CDK5RAP2: variants seen among roughly 807,000 people sequenced by gnomAD.
The protein encoded by CDK5RAP2 is CDK5 regulatory subunit associated protein 2, also known as CDK5 regulatory subunit-associated protein 2.
Under a neutral mutation model 232.9 loss-of-function variants are expected in CDK5RAP2, and 147 were observed. The observed-to-expected ratio is 0.63, with a 90% CI of 0.55 to 0.72. The LOEUF (loss-of-function observed/expected upper bound fraction) is 0.72. Among genes scored for constraint, CDK5RAP2 ranks in the 30% least tolerant of loss-of-function variants. CDK5RAP2 has a pLI of 0.00. For synonymous variants in CDK5RAP2, 833 were observed against 833.7 expected (o/e 1.00, Z 0.01); for missense variants, 2,195 against 2,231.5 (o/e 0.98, Z 0.33).
chr9:120,418,063 A>G (rs1240233336), intron 27 of CDK5RAP2, among the ~76,000 whole-genome samples: 1 of 152,224 alleles, frequency 6.6e-6, no homozygotes, highest in Non-Finnish European at 1.5e-5. Flanking sequence ...GTTAAGTGAG[A>G]AAAATACTAA....
At chr9:120,407,849 C>A (rs2033580765) in intron 31 of CDK5RAP2, 1 of 233,362 alleles carries the variant, frequency 4.3e-6, no homozygotes, top group Non-Finnish European at 8.6e-6. Flanking sequence ...CAGAGCAATG[C>A]CCAGCACGTG....
At chr9:120,444,636 G>C (rs1424587549) in intron 22 of CDK5RAP2, among the ~76,000 whole-genome samples, 1 of 152,130 alleles carries the variant, frequency 6.6e-6, no homozygotes, top group Non-Finnish European at 1.5e-5. Context: ...CCTCAACTAT[G>C]GTAAACCCAA....
rs770602220 is a variant in CDK5RAP2, at chr9:120,437,380, C to A, written c.3870G>T (p.Val1290=). 2 of 1,614,106 alleles carry A rather than the reference C, an allele frequency of 1.2e-6. No individual in the cohort carries two copies. The highest frequency in any genetic ancestry group is 1.7e-6 in the Non-Finnish European group (2 of 1,179,996). Residue 1290 remains valine, a synonymous_variant, in exon 25 of 38, where the codon GTG becomes GTT. Coordinates refer to ENST00000349780, the MANE Select transcript of CDK5RAP2 (RefSeq NM_018249.6). The stretch of plus-strand genomic sequence containing the variant: ...GGAAACCCTCGGCCACACAGTAATC[C>A]ACATCACTGGCCTGCAGCAACTCCT... ...AFEELLQASD[V]DYCVAEGFQE... is the part of the protein sequence containing the mutation.
At position 120,408,439 on chromosome 9, in the gene CDK5RAP2, T is replaced by C. The variant is rs2033627576; in HGVS notation, c.4634A>G (p.Gln1545Arg). The C allele has an allele frequency of 6.2e-7, 1 of 1,614,138 alleles. No homozygotes were observed. Among genetic ancestry groups the C allele is most frequent in the South Asian group, 1.1e-5 (1 of 91,084 alleles). ...RVQEEVKLRQ[Q>R]LLSQNDKLLQ... ...TAGCTTGTCATTCTGTGAGAGCAGC[T>C]GCTGCCTCAACTTCACCTCCTCCTG... is the stretch of plus-strand genomic sequence containing the variant. Residue 1545 changes from glutamine (Q) to arginine (R), a missense_variant, in exon 31 of 38, where the codon CAG (glutamine) becomes CGG (arginine). Physicochemically the swap from Gln to Arg is conservative, Grantham distance 43 (BLOSUM62 1). Coordinates refer to ENST00000349780, the MANE Select transcript of CDK5RAP2 (RefSeq NM_018249.6).
chr9:120,454,186 C>G (rs1336095995), intron 20 of CDK5RAP2, among the ~76,000 whole-genome samples: 2 of 152,170 alleles, frequency 1.3e-5, no homozygotes, highest in Non-Finnish European at 2.9e-5. Context: ...TAGAAACAAA[C>G]GGGATTATAA....
At chr9:120,411,598 CTA>C in intron 28 of CDK5RAP2, 124 bp from the exon 29 acceptor site, 1 of 676,538 alleles carries the variant, frequency 1.5e-6, no homozygotes, top group Middle Eastern at 3.9e-4. Context: ...CTCCTGTTAA[CTA>C]TGTTAGGAAT....
At chr9:120,497,418 AT>A (rs2039343422) in intron 12 of CDK5RAP2, among the ~76,000 whole-genome samples, 16 of 104,884 alleles carry the variant, frequency 1.5e-4, no homozygotes, top group South Asian at 7.6e-4. Context: ...AAAAAAATAA[AT>A]TTAAAAAAAA....
chr9:120,541,198 T>A (rs2041617599), intron 5 of CDK5RAP2, among the ~76,000 whole-genome samples: 1 of 152,176 alleles, frequency 6.6e-6, no homozygotes, highest in Non-Finnish European at 1.5e-5. Context: ...AAATGGCTCA[T>A]CTCTGCTACC....
chr9:120,559,337 AT>A (rs1317830806), intron 3 of CDK5RAP2, among the ~76,000 whole-genome samples: 1 of 151,970 alleles, frequency 6.6e-6, no homozygotes, highest in African/African-American at 2.4e-5. Flanking sequence ...AATACAAAAA[AT>A]CAGCCAAGCA....
chr9:120,437,295 C>T lies in CDK5RAP2; in HGVS notation c.3955G>A (p.Gly1319Arg), dbSNP rs776185004. The T allele has an allele frequency of 1.9e-6, 3 of 1,607,406 alleles. No individual in the cohort carries two copies. The highest frequency in any genetic ancestry group is 1.3e-5 in the African/African-American group (1 of 74,816). ...GACTCGCGTACCTCACCCTACCTACCGTTGAGAAATAGCTTTTCCAATTTC... is the reference window on the plus strand; with the variant it reads ...GACTCGCGTACCTCACCCTACCTACTGTTGAGAAATAGCTTTTCCAATTTC... ...LEKLEKLFLN[G>R]KSVGVEMNTQ... Residue 1319 changes from glycine to arginine, a missense_variant and splice_region_variant, in exon 25 of 38, where the codon GGA becomes AGA. Transcript: ENST00000349780.
intron 35 of CDK5RAP2, among the ~76,000 whole-genome samples, chr9:120,400,303 T>C (rs1411227199): frequency 1.3e-5 from 2 of 152,122 alleles, no homozygotes; most frequent in African/African-American, 2.4e-5. Context: ...AAGCTGTCGA[T>C]AGGAATCAGA....
chr9:120,573,213 G>A (rs938418346), intron 1 of CDK5RAP2, among the ~76,000 whole-genome samples: 1 of 152,078 alleles, frequency 6.6e-6, no homozygotes, highest in African/African-American at 2.4e-5. Context: ...GCAAAAAATT[G>A]GAAATATCAT....
chr9:120,540,340 T>A (rs1005849549), intron 5 of CDK5RAP2, among the ~76,000 whole-genome samples: 3 of 152,156 alleles, frequency 2.0e-5, no homozygotes, highest in Admixed American at 2.0e-4. Context: ...AGAACAAATC[T>A]ATTCACCACC....
intron 12 of CDK5RAP2, among the ~76,000 whole-genome samples, chr9:120,509,004 G>GC (rs34635278): frequency 1.3e-5 from 2 of 152,276 alleles, no homozygotes; most frequent in African/African-American, 4.8e-5. Flanking sequence ...CCCTGTTTGT[G>GC]CCCCATGGAG....
At chr9:120,516,407 C>G (rs572804297) in intron 12 of CDK5RAP2, among the ~76,000 whole-genome samples, 1 of 151,376 alleles carries the variant, frequency 6.6e-6, no homozygotes, top group African/African-American at 2.4e-5. Flanking sequence ...AGGAGATATA[C>G]CTAATGCTAA....
At chr9:120,563,656 A>G (rs1440399336) in intron 3 of CDK5RAP2, among the ~76,000 whole-genome samples, 1 of 152,218 alleles carries the variant, frequency 6.6e-6, no homozygotes, top group Non-Finnish European at 1.5e-5. Context: ...AGTAAGTGGC[A>G]GGGCCAAGCC....
At chr9:120,577,662 C>T (rs1022756067) in intron 1 of CDK5RAP2, among the ~76,000 whole-genome samples, 7 of 152,168 alleles carry the variant, frequency 4.6e-5, no homozygotes, top group Non-Finnish European at 1.0e-4. Flanking sequence ...CTGGGTCAGA[C>T]ACTGAGCTAA....
intron 32 of CDK5RAP2, among the ~76,000 whole-genome samples, chr9:120,404,535 G>A (rs2033302309): frequency 6.6e-6 from 1 of 152,156 alleles, no homozygotes; most frequent in African/African-American, 2.4e-5. Context: ...AGCACAATGG[G>A]CAGGTGAGAG....
Position 120,439,835 on chromosome 9 carries a change from C to T in CDK5RAP2, c.3286G>A (p.Gly1096Arg). 6.2e-7 allele frequency: 1 copy of T among 1,614,096 alleles called. No individual in the cohort carries two copies. Among genetic ancestry groups the T allele is most frequent in the Non-Finnish European group, 8.5e-7 (1 of 1,179,994 alleles). Residue 1096 changes from glycine (G) to arginine (R), a missense_variant, in exon 24 of 38, where the codon GGG becomes AGG. Gly to Arg is a moderately radical substitution (Grantham distance 125, BLOSUM62 -2). Transcript: ENST00000349780. ...TTAATGCTCTCTGACTGATCAGTCC[C>T]CATCACACTGACTTTAGCAGAAGGC... Reference protein sequence around the residue: ...SQPSAKVSVMGTDQSESINTS... With the variant: ...SQPSAKVSVMRTDQSESINTS...
Sources: allele counts gnomAD v4.1 joint callset (sites outside exome capture counted in the v4.1 genomes callset), GRCh38; gene constraint gnomAD v4.1.1; transcripts MANE v1.5; gene names NCBI Gene and HGNC (gene_info 2026-07-23, HGNC 2026-07-21).